The following CDH13 variants were observed in gnomAD, a reference collection of about 807,000 sequenced individuals.
CDH13 encodes the protein cadherin 13.
A neutral mutation model predicts 63.8 loss-of-function variants in CDH13; 24 were observed. The observed-to-expected ratio is 0.38, with a 90% CI of 0.27 to 0.53. CDH13 has a LOEUF of 0.53. CDH13 is among the 20% of genes least tolerant of loss of function. CDH13 has a pLI of 0.85. For synonymous variants in CDH13, 503 were observed against 355.3 expected (o/e 1.42, Z -4.67); for missense variants, 1,049 against 903.1 (o/e 1.16, Z -2.07).
At chr16:83,750,831 C>G (rs553436090) in intron 11 of CDH13, among the ~76,000 whole-genome samples, 1 of 152,274 alleles carries the variant, frequency 6.6e-6, no homozygotes, top group Admixed American at 6.5e-5. Flanking sequence ...AACTGTAAGA[C>G]AATAGATTTC....
chr16:83,658,461 C>T (rs1364541823), intron 8 of CDH13, among the ~76,000 whole-genome samples: 8 of 146,714 alleles, frequency 5.5e-5, no homozygotes, highest in South Asian at 2.2e-4. Flanking sequence ...CCAGCAAGGT[C>T]CCATGTCCTC....
At chr16:82,845,923 A>G (rs1353105500) in intron 1 of CDH13, among the ~76,000 whole-genome samples, 1 of 152,232 alleles carries the variant, frequency 6.6e-6, no homozygotes, top group African/African-American at 2.4e-5. Context: ...AAGTGAGCCC[A>G]GTGGCTTAAT....
intron 3 of CDH13, among the ~76,000 whole-genome samples, chr16:83,099,061 C>A (rs2034344886): frequency 1.3e-5 from 2 of 151,880 alleles, no homozygotes; most frequent in Admixed American, 1.3e-4. Flanking sequence ...TACACATATA[C>A]ATATATATGC....
At chr16:83,276,301 C>G (rs2088986165) in intron 5 of CDH13, among the ~76,000 whole-genome samples, 1 of 152,118 alleles carries the variant, frequency 6.6e-6, no homozygotes, top group Non-Finnish European at 1.5e-5. Context: ...CCCTATCATT[C>G]TACAAGATGG....
intron 6 of CDH13, among the ~76,000 whole-genome samples, chr16:83,364,718 T>G (rs1211596797): frequency 6.6e-6 from 1 of 152,168 alleles, no homozygotes; most frequent in Non-Finnish European, 1.5e-5. Flanking sequence ...CAGCCACTGT[T>G]CTCTAGGGAA....
rs572287875 is a variant in CDH13 at position 83,691,187 on chromosome 16, G to A, written c.1538+12726G>A. Among the ~76,000 whole-genome samples the A allele has an allele frequency of 6.6e-5, 10 of 152,188 alleles. 1 individual carries two copies. The East Asian group carries it at 1.9e-3, about 29-fold the overall frequency. ...TGTCCCAAACAAATGGAAGCACAGA[G>A]GGCACATCTCTGAGCTTTGCAAGCT... On this transcript the variant is annotated intron_variant, in intron 10 of 13. Transcript: ENST00000567109.
intron 1 of CDH13, among the ~76,000 whole-genome samples, chr16:82,669,635 T>G (rs1913001557): frequency 6.6e-6 from 1 of 152,246 alleles, no homozygotes; most frequent in Non-Finnish European, 1.5e-5. Flanking sequence ...TGGCCCAATG[T>G]AAAGCCATCC....
chr16:82,914,892 G>A (rs909387991), intron 2 of CDH13, among the ~76,000 whole-genome samples: 4 of 152,252 alleles, frequency 2.6e-5, no homozygotes, highest in African/African-American at 4.8e-5. Flanking sequence ...GACACCAAAC[G>A]GTGTCACCAT....
intron 5 of CDH13, among the ~76,000 whole-genome samples, chr16:83,272,646 A>T (rs572766895): frequency 6.6e-6 from 1 of 152,170 alleles, no homozygotes; most frequent in African/African-American, 2.4e-5. Context: ...GCAAATCATA[A>T]TCATTTGCGT....
chr16:82,860,140 C>T (rs1403366109), intron 2 of CDH13, among the ~76,000 whole-genome samples: 1 of 151,642 alleles, frequency 6.6e-6, no homozygotes. Flanking sequence ...ATTTTTTTTC[C>T]AAGTGATTAT....
chr16:83,011,712 C>T (rs1914175483), intron 2 of CDH13, among the ~76,000 whole-genome samples: 1 of 152,284 alleles, frequency 6.6e-6, no homozygotes, highest in African/African-American at 2.4e-5. Flanking sequence ...TCCTTTCTTC[C>T]CTTCTTCTTC....
chr16:83,256,793 C>T (rs1049108257), intron 5 of CDH13, among the ~76,000 whole-genome samples: 3 of 145,672 alleles, frequency 2.1e-5, no homozygotes, highest in Admixed American at 1.4e-4. Context: ...TGCAGTGAGC[C>T]GAGATCGCGC....
intron 10 of CDH13, among the ~76,000 whole-genome samples, chr16:83,714,952 C>A (rs1486119519): frequency 4.6e-5 from 7 of 152,146 alleles, no homozygotes; most frequent in Admixed American, 2.0e-4. Flanking sequence ...CTCTGCCCAT[C>A]TGTTTCTTTA....
chr16:82,835,236 C>T (rs755269622), intron 1 of CDH13, among the ~76,000 whole-genome samples: 7 of 152,198 alleles, frequency 4.6e-5, no homozygotes, highest in South Asian at 2.1e-4. Context: ...CACCACATTT[C>T]AGGGGTTTAA....
chr16:83,672,471 C>T (rs1567504427), intron 9 of CDH13, among the ~76,000 whole-genome samples: 1 of 115,438 alleles, frequency 8.7e-6, no homozygotes, highest in Non-Finnish European at 1.6e-5. Context: ...TCTCACCAGG[C>T]TGGAGTGCAG....
chr16:82,875,014 G>C (rs761242890), intron 2 of CDH13, among the ~76,000 whole-genome samples: 21 of 152,186 alleles, frequency 1.4e-4, no homozygotes, highest in Admixed American at 7.2e-4. Context: ...ATACTCAAGA[G>C]GGAGAGAGAA....
chr16:82,632,450 C>T (rs1908126529), intron 1 of CDH13, among the ~76,000 whole-genome samples: 1 of 152,132 alleles, frequency 6.6e-6, no homozygotes, highest in Admixed American at 6.5e-5. Flanking sequence ...TGGACAGGCA[C>T]CCAGAGAGAC....
chr16:82,674,486 A>G (rs1913666074), intron 1 of CDH13, among the ~76,000 whole-genome samples: 1 of 152,224 alleles, frequency 6.6e-6, no homozygotes, highest in Non-Finnish European at 1.5e-5. Flanking sequence ...CATGATATCA[A>G]ACTGAAATCC....
chr16:83,665,720 T>G lies in CDH13; in HGVS notation c.1102-5070T>G, dbSNP rs540228610. Among the ~76,000 whole-genome samples, 8 of 152,366 alleles carry G rather than the reference T, an allele frequency of 5.3e-5. No homozygotes were observed. In the East Asian group the frequency reaches 1.3e-3, roughly 26 times the overall value. On this transcript the variant is annotated intron_variant, in intron 8 of 13. Transcript: ENST00000567109. The stretch of plus-strand genomic sequence containing the variant: ...ATGCAACTAGTCAAGCATGCAAGCT[T>G]GCATATGTGCAGTCCTTTAAACTTG...
Sources: allele counts gnomAD v4.1 joint callset (sites outside exome capture counted in the v4.1 genomes callset), GRCh38; gene constraint gnomAD v4.1.1; transcripts MANE v1.5; gene names NCBI Gene and HGNC (gene_info 2026-07-23, HGNC 2026-07-21).